Variants in SNIP1 observed in about 807,000 individuals in gnomAD.
SNIP1 encodes the protein Smad nuclear interacting protein 1, also known as smad nuclear-interacting protein 1.
A neutral mutation model predicts 37.4 loss-of-function variants in SNIP1; 23 were observed. That is an observed-to-expected ratio of 0.61 (90% CI 0.44 to 0.87). SNIP1 has a LOEUF of 0.87. SNIP1 is among the 40% of genes least tolerant of loss of function. SNIP1 has a pLI of 0.00. For missense variants in SNIP1, 459 were observed against 540.4 expected (o/e 0.85, Z 1.49); for synonymous variants, 174 against 200.0 (o/e 0.87, Z 1.10).
chr1:37,550,316 T>A (rs1643286358), intron 2 of SNIP1, among the ~76,000 whole-genome samples: 1 of 152,196 alleles, frequency 6.6e-6, no homozygotes, highest in Non-Finnish European at 1.5e-5. Flanking sequence ...GAAAAAATAT[T>A]TGTAAACCAT....
At chr1:37,541,779 C>T (rs534867337) in intron 2 of SNIP1, among the ~76,000 whole-genome samples, 9 of 152,050 alleles carry the variant, frequency 5.9e-5, no homozygotes, top group Non-Finnish European at 1.0e-4. Context: ...CGGATAGTAC[C>T]GAACCTGACT....
chr1:37,539,984 G>A (rs1003875853), intron 3 of SNIP1, among the ~76,000 whole-genome samples, 173 bp downstream of exon 3: 4 of 152,092 alleles, frequency 2.6e-5, no homozygotes, highest in Non-Finnish European at 4.4e-5. Context: ...AAAGTTTAAT[G>A]TTCTTATAAA....
intron 1 of SNIP1, 99 bp downstream of exon 1, chr1:37,553,899 TCCGGGCTG>T (rs1643330664): frequency 8.7e-7 from 1 of 1,154,268 alleles, no homozygotes. Flanking sequence ...CAGGATTAAG[TCCGGGCTG>T]CTGCGCCCAC....
At chr1:37,549,672 A>G (rs1643280140) in intron 2 of SNIP1, among the ~76,000 whole-genome samples, 1 of 152,184 alleles carries the variant, frequency 6.6e-6, no homozygotes, top group African/African-American at 2.4e-5. Flanking sequence ...TCAGCCTCCC[A>G]AAGTGTTGGG....
intron 2 of SNIP1, 56 bp downstream of exon 2, chr1:37,552,589 C>T: frequency 1.5e-6 from 2 of 1,372,818 alleles, no homozygotes; most frequent in Non-Finnish European, 2.1e-6. Flanking sequence ...TCCTCTTTAG[C>T]TGTGATAGGA....
chr1:37,553,721 C>T (rs1299334235), intron 1 of SNIP1, among the ~76,000 whole-genome samples: 1 of 152,132 alleles, frequency 6.6e-6, no homozygotes, highest in African/African-American at 2.4e-5. Flanking sequence ...TCCAATTTAA[C>T]AGATTATCAG....
rs1209419322 is a variant in SNIP1, at chr1:37,554,041, C to T, written c.189G>A (p.Ser63=). Residue 63 remains serine, a synonymous_variant, in exon 1 of 4, where the codon TCG becomes TCA. Transcript: ENST00000296215. ...PSPPTSEPAR[S]GHRGNRARGV... The stretch of plus-strand genomic sequence containing the variant: ...CTCGGGCTCGGTTCCCGCGGTGGCC[C>T]GAGCGGGCCGGCTCGCTGGTCGGCG... 5 of 1,582,936 alleles carry T rather than the reference C, an allele frequency of 3.2e-6. No homozygotes were observed. Among genetic ancestry groups the T allele is most frequent in the South Asian group, 2.3e-5 (2 of 87,764 alleles).
intron 2 of SNIP1, among the ~76,000 whole-genome samples, chr1:37,550,262 C>T (rs903144128): frequency 6.6e-6 from 1 of 152,120 alleles, no homozygotes; most frequent in Admixed American, 6.5e-5. Flanking sequence ...AACTTTTGCT[C>T]TGAGATAAAC....
chr1:37,543,325 T>C (rs1459603283), intron 2 of SNIP1, among the ~76,000 whole-genome samples: 2 of 152,058 alleles, frequency 1.3e-5, no homozygotes, highest in African/African-American at 4.8e-5. Context: ...ATGCCACTTA[T>C]AGAAATCAAT....
chr1:37,553,964 G>A (rs1162356827), intron 1 of SNIP1, 42 bp downstream of exon 1: 23 of 1,542,250 alleles, frequency 1.5e-5, no homozygotes, highest in Non-Finnish European at 1.8e-5. Context: ...CTTTCTGAAT[G>A]AGCCCAACCC....
chr1:37,540,090 AT>A lies in SNIP1; in HGVS notation c.926+66del. The A allele has an allele frequency of 7.1e-7, 1 of 1,402,116 alleles. No homozygotes were observed. Among genetic ancestry groups the A allele is most frequent in the Non-Finnish European group, 9.7e-7 (1 of 1,029,896 alleles). 86.9% of individuals were successfully genotyped at this position (1,402,116 alleles called of 1,614,324 possible). A position where few individuals can be genotyped will look rare whatever the true frequency, so the allele number is the denominator to read the frequency against. ...TTCTTCTGCATAAACATGAACAAAAATCTTAGTAATCCTAACTGAGTGATTG... is the reference window on the plus strand; with the variant it reads ...TTCTTCTGCATAAACATGAACAAAAACTTAGTAATCCTAACTGAGTGATTG... On this transcript the variant is annotated intron_variant, in intron 3 of 3. Coordinates refer to ENST00000296215, the MANE Select transcript of SNIP1 (RefSeq NM_024700.4). The surrounding 1 kb of genome is among the most constrained non-coding windows in gnomAD (Gnocchi z 5.6).
At position 37,546,544 on chromosome 1, in the gene SNIP1, C is replaced by T. The variant is rs192538466; in HGVS notation, c.328-5789G>A. Among the ~76,000 whole-genome samples, 16 of 152,088 alleles carry T rather than the reference C, an allele frequency of 1.1e-4. No homozygotes were observed. In the East Asian group the frequency reaches 3.1e-3, roughly 29 times the overall value. ...CAAAAATTAGCTGGATGTGGTGGCACGTGCCTACAGTCCCAGCTACTTGGG... is the reference window on the plus strand; with the variant it reads ...CAAAAATTAGCTGGATGTGGTGGCATGTGCCTACAGTCCCAGCTACTTGGG... On this transcript the variant is annotated intron_variant, in intron 2 of 3. Transcript: ENST00000296215.
intron 2 of SNIP1, among the ~76,000 whole-genome samples, chr1:37,546,812 C>T (rs1386521569): frequency 1.3e-5 from 2 of 152,220 alleles, no homozygotes; most frequent in Admixed American, 6.5e-5. Context: ...TCAAGATCAC[C>T]AGTGACCTCC....
intron 2 of SNIP1, among the ~76,000 whole-genome samples, chr1:37,551,909 T>C (rs1362837052): frequency 6.6e-6 from 1 of 152,214 alleles, no homozygotes; most frequent in Non-Finnish European, 1.5e-5. Flanking sequence ...AATGAACTCT[T>C]AACGTTCACA....
At chr1:37,549,129 C>CA (rs1470609351) in intron 2 of SNIP1, 1 of 150,946 alleles carries the variant, frequency 6.6e-6, no homozygotes, top group African/African-American at 2.4e-5. Context: ...TACATTAGTT[C>CA]AGCAAGGATA....
At chr1:37,541,014 CTATT>C (rs1177393937) in intron 2 of SNIP1, 5 of 371,430 alleles carry the variant, frequency 1.3e-5, no homozygotes, top group Non-Finnish European at 1.9e-5. Flanking sequence ...AAACAAGAGA[CTATT>C]TAGTCCAGAA....
At chr1:37,546,781 T>C (rs1643244479) in intron 2 of SNIP1, among the ~76,000 whole-genome samples, 1 of 152,228 alleles carries the variant, frequency 6.6e-6, no homozygotes, top group Admixed American at 6.5e-5. Flanking sequence ...CTCACCCTTA[T>C]TACTCCACTA....
At chr1:37,552,835 C>G in intron 1 of SNIP1, 88 bp from the exon 2 acceptor site, 7 of 1,013,766 alleles carry the variant, frequency 6.9e-6, no homozygotes, top group Non-Finnish European at 1.1e-5. Flanking sequence ...CCTACTAACA[C>G]AAACACCGCA....
chr1:37,535,416 C>A lies in SNIP1; in HGVS notation c.*2332G>T, dbSNP rs1387768363. 6.6e-6 allele frequency: 1 copy of A among 150,764 alleles called. No individual in the cohort carries two copies. Among genetic ancestry groups the A allele is most frequent in the Non-Finnish European group, 1.5e-5 (1 of 67,732 alleles). 9.3% of individuals were successfully genotyped at this position (150,764 alleles called of 1,614,324 possible). ...CAAAACAAACAAACCAACAAAAAAA[C>A]CCACCTTCTCAGATATGTGGCATAA... is the stretch of plus-strand genomic sequence containing the variant. On this transcript the variant is annotated 3_prime_UTR_variant, in exon 4 of 4. Transcript: ENST00000296215.
Sources: gnomAD v4.1 joint callset for allele counts (sites outside exome capture counted in the v4.1 genomes callset) on GRCh38, gnomAD v4.1.1 for gene constraint, Gnocchi (gnomAD v3.1) non-coding constraint, MANE v1.5 for transcripts, NCBI Gene and HGNC (gene_info 2026-07-23, HGNC 2026-07-21) for gene names.